Variants in DOK6 observed in about 807,000 individuals in gnomAD.
DOK6 encodes docking protein 6.
DOK6 carries 22 observed loss-of-function variants against 44.0 expected under a neutral mutation model. The ratio of observed to expected loss-of-function variants is 0.50; its 90% confidence interval spans 0.36 to 0.71. The LOEUF is 0.71. DOK6 is among the 30% of genes least tolerant of loss of function. DOK6 has a pLI of 0.00. For synonymous variants in DOK6, 166 were observed against 145.5 expected (o/e 1.14, Z -1.01); for missense variants, 340 against 416.4 (o/e 0.82, Z 1.60).
intron 7 of DOK6, among the ~76,000 whole-genome samples, chr18:69,823,849 C>G (rs1467538804): frequency 6.6e-6 from 1 of 151,720 alleles, no homozygotes; most frequent in East Asian, 1.9e-4. Flanking sequence ...AAAGAACTGT[C>G]TACAAAAAAA....
chr18:69,642,083 T>C (rs1266398485), intron 3 of DOK6, among the ~76,000 whole-genome samples: 1 of 152,234 alleles, frequency 6.6e-6, no homozygotes, highest in Admixed American at 6.5e-5. Flanking sequence ...ATATTTATCT[T>C]GTTTACTTAT....
chr18:69,836,797 G>T (rs568172433), intron 7 of DOK6, among the ~76,000 whole-genome samples: 6 of 152,132 alleles, frequency 3.9e-5, no homozygotes, highest in South Asian at 4.1e-4. Flanking sequence ...CCACAGAGTT[G>T]ATTTTTATTT....
intron 7 of DOK6, among the ~76,000 whole-genome samples, chr18:69,784,050 G>A (rs574316875): frequency 2.0e-5 from 3 of 152,182 alleles, no homozygotes; most frequent in Non-Finnish European, 4.4e-5. Flanking sequence ...AGCCAAGTGT[G>A]GCAGCATGCA....
intron 1 of DOK6, among the ~76,000 whole-genome samples, chr18:69,457,344 T>A (rs1979658528): frequency 6.6e-6 from 1 of 152,228 alleles, no homozygotes; most frequent in African/African-American, 2.4e-5. Context: ...AAGATAAGGT[T>A]CTAGTTTCAT....
chr18:69,554,854 C>A (rs952552749), intron 1 of DOK6, among the ~76,000 whole-genome samples: 4 of 152,078 alleles, frequency 2.6e-5, no homozygotes, highest in African/African-American at 9.7e-5. Flanking sequence ...TCTTATTGTG[C>A]TTTTACTTCA....
intron 1 of DOK6, among the ~76,000 whole-genome samples, chr18:69,480,645 C>T (rs996989226): frequency 6.6e-6 from 1 of 152,058 alleles, no homozygotes; most frequent in Admixed American, 6.6e-5. Flanking sequence ...TGTGTAATCC[C>T]TCTGCGTTCT....
intron 3 of DOK6, among the ~76,000 whole-genome samples, chr18:69,606,383 C>T (rs11151513): frequency 1.3e-5 from 2 of 151,458 alleles, no homozygotes; most frequent in South Asian, 2.1e-4. Context: ...CAATAAAATA[C>T]GTATAAAAGG....
At chr18:69,627,789 G>A (rs1454999277) in intron 3 of DOK6, among the ~76,000 whole-genome samples, 1 of 152,100 alleles carries the variant, frequency 6.6e-6, no homozygotes, top group African/African-American at 2.4e-5. Flanking sequence ...AAGCACTAAT[G>A]TCCTGGATGT....
intron 1 of DOK6, among the ~76,000 whole-genome samples, chr18:69,501,027 A>G (rs146794682): frequency 2.0e-3 from 301 of 152,276 alleles, no homozygotes; most frequent in African/African-American, 6.7e-3. Context: ...AGAGATCCTC[A>G]AGAGAAAAAC....
At chr18:69,729,193 A>C (rs1342083244) in intron 5 of DOK6, among the ~76,000 whole-genome samples, 1 of 152,230 alleles carries the variant, frequency 6.6e-6, no homozygotes, top group East Asian at 1.9e-4. Flanking sequence ...ATATACAGAC[A>C]TACATACACA....
At chr18:69,588,414 T>C (rs1464404498) in intron 2 of DOK6, among the ~76,000 whole-genome samples, 2 of 152,188 alleles carry the variant, frequency 1.3e-5, no homozygotes, top group Non-Finnish European at 2.9e-5. Context: ...GATTGCCTCA[T>C]CCTCTTCAAT....
rs1248642837 is a variant in DOK6 at position 69,542,184 on chromosome 18, GAGA to G, written c.67-22296_67-22294del. ...TTATTGTGGTTTATAGAACAGTTTG[GAGA>G]AGAAGAGAAGGATTAAATAGGAAAC... On this transcript the variant is annotated intron_variant, in intron 1 of 7. Coordinates refer to ENST00000382713, the MANE Select transcript of DOK6 (RefSeq NM_152721.6). Among the ~76,000 whole-genome samples, 7 of 151,588 alleles carry G rather than the reference GAGA, an allele frequency of 4.6e-5. 1 individual carries two copies. The East Asian group carries it at 1.2e-3, about 25-fold the overall frequency.
chr18:69,580,327 C>T (rs540980920), intron 2 of DOK6, among the ~76,000 whole-genome samples: 35 of 152,270 alleles, frequency 2.3e-4, no homozygotes, highest in Admixed American at 9.2e-4. Context: ...ACAAGCTGCT[C>T]TCAGCAACTA....
At chr18:69,507,203 A>AT (rs1322045258) in intron 1 of DOK6, among the ~76,000 whole-genome samples, 3 of 151,558 alleles carry the variant, frequency 2.0e-5, no homozygotes, top group Non-Finnish European at 4.4e-5. Flanking sequence ...AATTTTTTGT[A>AT]TTTTCAGTAG....
chr18:69,435,009 TTAGTG>T (rs1978923370), intron 1 of DOK6, among the ~76,000 whole-genome samples: 2 of 57,672 alleles, frequency 3.5e-5, no homozygotes, highest in African/African-American at 1.2e-4. Flanking sequence ...GGAAGAAAGA[TTAGTG>T]TAGGGAGGGA....
intron 4 of DOK6, among the ~76,000 whole-genome samples, chr18:69,690,154 G>A (rs1986233531): frequency 6.6e-6 from 1 of 151,624 alleles, no homozygotes; most frequent in Non-Finnish European, 1.5e-5. Flanking sequence ...AAGCAAAAAA[G>A]AAATTTCTGG....
At chr18:69,697,648 C>G (rs1439556797) in intron 4 of DOK6, among the ~76,000 whole-genome samples, 1 of 151,892 alleles carries the variant, frequency 6.6e-6, no homozygotes, top group Non-Finnish European at 1.5e-5. Context: ...CTATTTAATG[C>G]ATCTAAATGG....
chr18:69,562,688 A>T (rs1246118025), intron 1 of DOK6, among the ~76,000 whole-genome samples: 2 of 152,230 alleles, frequency 1.3e-5, no homozygotes, highest in Non-Finnish European at 1.5e-5. Context: ...ACCTAAAACC[A>T]TAAAAACCCT....
chr18:69,474,621 C>T (rs73468819), intron 1 of DOK6, among the ~76,000 whole-genome samples: 1,676 of 152,248 alleles, frequency 0.011, 36 homozygotes, highest in African/African-American at 0.039. Flanking sequence ...CTTATAATGC[C>T]ATTTTTCGAT....
Sources: gnomAD v4.1 joint callset for allele counts (sites outside exome capture counted in the v4.1 genomes callset) on GRCh38, gnomAD v4.1.1 for gene constraint, MANE v1.5 for transcripts, NCBI Gene and HGNC (gene_info 2026-07-23, HGNC 2026-07-21) for gene names.